Variants in JARID2 observed in about 807,000 individuals in gnomAD.
JARID2 encodes the protein jumonji and AT-rich interaction domain containing 2, also known as protein Jumonji.
JARID2 carries 21 observed loss-of-function variants against 125.6 expected under a neutral mutation model. The observed-to-expected ratio is 0.17, with a 90% CI of 0.12 to 0.24. The LOEUF (loss-of-function observed/expected upper bound fraction) is 0.24. JARID2 is among the 10% of genes least tolerant of loss of function. JARID2 has a pLI of 1.00. For missense variants in JARID2, 1,303 were observed against 1,639.6 expected, an observed-to-expected ratio of 0.79 and a Z score of 3.55; for synonymous variants, 736 against 661.6, an observed-to-expected ratio of 1.11 and a Z score of -1.73.
chr6:15,426,421 T>TGTTGGGCAGGCTGCAC, intron 3 of JARID2, among the ~76,000 whole-genome samples: 1 of 152,304 alleles, frequency 6.6e-6, no homozygotes, highest in South Asian at 2.1e-4. Context: ...CGCACGTGGA[T>TGTTGGGCAGGCTGCAC]GTTGGGCAGG....
At chr6:15,348,870 C>T (rs546925833) in intron 1 of JARID2, among the ~76,000 whole-genome samples, 2 of 152,032 alleles carry the variant, frequency 1.3e-5, no homozygotes, top group Admixed American at 6.6e-5. Context: ...GAGGTGGAGG[C>T]GGATGAATTA....
intron 1 of JARID2, among the ~76,000 whole-genome samples, chr6:15,260,931 G>A (rs980413346): frequency 6.6e-6 from 1 of 152,158 alleles, no homozygotes; most frequent in African/African-American, 2.4e-5. Flanking sequence ...TATTCAAGTA[G>A]CCTTTTTTTC....
intron 1 of JARID2, among the ~76,000 whole-genome samples, chr6:15,263,478 T>G (rs2127331474): frequency 6.6e-6 from 1 of 152,278 alleles, no homozygotes; most frequent in East Asian, 1.9e-4. Context: ...ATAGGAGTTC[T>G]TCAAAGGAGG....
chr6:15,394,960 T>G (rs1159535155), intron 2 of JARID2, among the ~76,000 whole-genome samples: 1 of 149,096 alleles, frequency 6.7e-6, no homozygotes, highest in Admixed American at 6.7e-5. Flanking sequence ...TTTTTGGAAA[T>G]GGACATAGAA....
rs9396589 is a variant in JARID2, at chr6:15,513,513, G to C, written c.3450+91G>C. On this transcript the variant is annotated intron_variant, in intron 16 of 17. Coordinates refer to ENST00000341776, the MANE Select transcript of JARID2 (RefSeq NM_004973.4). ...CCCCAGAAGAGGGAGGGCGCTCTCT[G>C]CCCAGGAGACCTGCTGTGCTCCCAT... is the stretch of plus-strand genomic sequence containing the variant. The C allele has an allele frequency of 1.8e-4, 223 of 1,258,012 alleles. No individual in the cohort carries two copies. The African/African-American group carries it at 2.7e-3, about 15-fold the overall frequency. 77.9% of individuals were successfully genotyped at this position (1,258,012 alleles called of 1,614,324 possible). A position where few individuals can be genotyped will look rare whatever the true frequency, so the allele number is the denominator to read the frequency against.
chr6:15,520,649 CAT>C lies in JARID2; in HGVS notation c.*399_*400del. The C allele has an allele frequency of 3.4e-6, 1 of 297,612 alleles. No individual in the cohort carries two copies. The highest frequency in any genetic ancestry group is 7.0e-6 in the Non-Finnish European group (1 of 142,200). The allele number at this position is 297,612 out of a possible 1,614,324, so 18.4% of individuals were successfully genotyped here. On this transcript the variant is annotated 3_prime_UTR_variant, in exon 18 of 18. Coordinates refer to ENST00000341776, the MANE Select transcript of JARID2 (RefSeq NM_004973.4). ...GAGAACAAATTTAAAAACCATCAGT[CAT>C]GTGAGCAGATTTTTTAGAAGGGATA... is the stretch of plus-strand genomic sequence containing the variant.
intron 4 of JARID2, among the ~76,000 whole-genome samples, chr6:15,464,386 T>C (rs987424367): frequency 6.6e-6 from 1 of 152,186 alleles, no homozygotes; most frequent in African/African-American, 2.4e-5. Flanking sequence ...ATGACGTTGA[T>C]GAGATGGACA....
intron 4 of JARID2, among the ~76,000 whole-genome samples, chr6:15,460,714 T>C (rs935409200): frequency 6.6e-6 from 1 of 152,170 alleles, no homozygotes; most frequent in Admixed American, 6.5e-5. Flanking sequence ...GTTGTTTTGT[T>C]TTTTGAGACG....
intron 5 of JARID2, among the ~76,000 whole-genome samples, chr6:15,476,182 C>T (rs1047451606): frequency 3.0e-4 from 45 of 152,318 alleles, no homozygotes; most frequent in African/African-American, 1.0e-3. Context: ...TGATGCTTTA[C>T]CACTGGGGTG....
chr6:15,368,650 A>G, intron 1 of JARID2: 1 of 475,254 alleles, frequency 2.1e-6, no homozygotes, highest in Non-Finnish European at 4.2e-6. Context: ...AGGAACTAGC[A>G]TTACTTAGTG....
intron 1 of JARID2, among the ~76,000 whole-genome samples, chr6:15,322,875 T>G (rs1036031367): frequency 6.6e-6 from 1 of 152,220 alleles, no homozygotes; most frequent in African/African-American, 2.4e-5. Flanking sequence ...ACTTTCCCCT[T>G]GATTTCCAAA....
intron 16 of JARID2, among the ~76,000 whole-genome samples, chr6:15,513,885 T>C (rs946890161): frequency 6.6e-6 from 1 of 152,212 alleles, no homozygotes; most frequent in Non-Finnish European, 1.5e-5. Context: ...CTGGTCCTGC[T>C]CAGCTACATG....
chr6:15,339,183 A>G (rs184803668), intron 1 of JARID2, among the ~76,000 whole-genome samples: 78 of 152,260 alleles, frequency 5.1e-4, no homozygotes, highest in African/African-American at 1.8e-3. Context: ...TAGAACTAGG[A>G]CCGGGCCTCT....
chr6:15,256,195 C>G lies in JARID2; in HGVS notation c.45+9611C>G, dbSNP rs117777311. ...TCAGGCCTGCCGGCGGCCTTCCTAG[C>G]TGACTCAGATATAAATGAATCAAAT... On this transcript the variant is annotated intron_variant, in intron 1 of 17. Transcript: ENST00000341776. Among the ~76,000 whole-genome samples, 58 of 152,338 alleles carry G rather than the reference C, an allele frequency of 3.8e-4. No homozygotes were observed. The East Asian group carries it at 0.01, about 27-fold the overall frequency.
chr6:15,519,525 T>A (rs1771729145), intron 17 of JARID2, among the ~76,000 whole-genome samples: 1 of 152,096 alleles, frequency 6.6e-6, no homozygotes, highest in Non-Finnish European at 1.5e-5. Flanking sequence ...CTCCTCCCCA[T>A]GTTGTTTTTA....
intron 2 of JARID2, among the ~76,000 whole-genome samples, chr6:15,404,028 A>T (rs1765546829): frequency 6.6e-6 from 1 of 152,128 alleles, no homozygotes; most frequent in African/African-American, 2.4e-5. Context: ...AGGGAAAGGG[A>T]TAATTATTTT....
chr6:15,456,217 T>C (rs904183488), intron 4 of JARID2, among the ~76,000 whole-genome samples: 2 of 152,220 alleles, frequency 1.3e-5, no homozygotes, highest in Admixed American at 1.3e-4. Context: ...GAGAGTCTTT[T>C]AGTTGCGGAG....
intron 6 of JARID2, among the ~76,000 whole-genome samples, chr6:15,494,204 A>G (rs147861357): frequency 9.0e-4 from 137 of 152,192 alleles, no homozygotes; most frequent in African/African-American, 3.1e-3. Context: ...TTTGATTTTT[A>G]TAAACTTCAC....
chr6:15,305,328 C>T (rs1316107089), intron 1 of JARID2, among the ~76,000 whole-genome samples: 1 of 151,844 alleles, frequency 6.6e-6, no homozygotes, highest in Admixed American at 6.5e-5. Context: ...TGTGGGCCTA[C>T]CCCAGGAGAA....
Sources: gnomAD v4.1 joint callset for allele counts (sites outside exome capture counted in the v4.1 genomes callset) on GRCh38, gnomAD v4.1.1 for gene constraint, MANE v1.5 for transcripts, NCBI Gene and HGNC (gene_info 2026-07-23, HGNC 2026-07-21) for gene names.